HECW2: variants seen among roughly 807,000 people sequenced by gnomAD.
HECW2 encodes the protein E3 ubiquitin-protein ligase HECW2.
A neutral mutation model predicts 175.2 loss-of-function variants in HECW2; 61 were observed. The observed-to-expected ratio is 0.35, with a 90% confidence interval of 0.28 to 0.43. The LOEUF is 0.43. HECW2 is among the 20% of genes least tolerant of loss of function. HECW2 has a pLI of 1.00. For synonymous variants in HECW2, 671 were observed against 731.0 expected (o/e 0.92, Z 1.32); for missense variants, 1,524 against 2,000.5 (o/e 0.76, Z 4.54).
chr2:196,275,062 G>C (rs935139251), intron 15 of HECW2, among the ~76,000 whole-genome samples: 2 of 152,116 alleles, frequency 1.3e-5, no homozygotes, highest in Non-Finnish European at 2.9e-5. Flanking sequence ...TATTTGCTGA[G>C]GATTTTTCTA....
intron 2 of HECW2, among the ~76,000 whole-genome samples, chr2:196,359,242 G>A (rs915228381): frequency 1.3e-5 from 2 of 152,176 alleles, no homozygotes; most frequent in African/African-American, 4.8e-5. Context: ...GAGGTCAGGA[G>A]ATCGATACCA....
chr2:196,257,461 T>C (rs1689104785), intron 18 of HECW2, among the ~76,000 whole-genome samples: 1 of 152,272 alleles, frequency 6.6e-6, no homozygotes. Flanking sequence ...AGAAAAACAT[T>C]TGAAAGAATA....
chr2:196,501,689 TA>T (rs1204086586), intron 1 of HECW2, among the ~76,000 whole-genome samples: 1 of 152,224 alleles, frequency 6.6e-6, no homozygotes, highest in Non-Finnish European at 1.5e-5. Context: ...ATTTAAAATG[TA>T]AAAGACTCTC....
intron 3 of HECW2, among the ~76,000 whole-genome samples, chr2:196,340,193 T>C (rs371616213): frequency 2.6e-5 from 4 of 152,202 alleles, no homozygotes; most frequent in East Asian, 1.9e-4. Flanking sequence ...AGAAACTGTC[T>C]AATCTCTTCA....
intron 1 of HECW2, among the ~76,000 whole-genome samples, chr2:196,477,455 A>G (rs190381068): frequency 3.3e-5 from 5 of 152,362 alleles, no homozygotes; most frequent in Admixed American, 6.5e-5. Flanking sequence ...TCAGCTTTCA[A>G]GTGTTTCAGA....
At chr2:196,287,177 T>A (rs1690423443) in intron 14 of HECW2, among the ~76,000 whole-genome samples, 1 of 152,196 alleles carries the variant, frequency 6.6e-6, no homozygotes, top group Admixed American at 6.6e-5. Flanking sequence ...ACCATTCTGA[T>A]ACTTAAACTC....
chr2:196,571,596 C>A (rs1158341965), intron 1 of HECW2, among the ~76,000 whole-genome samples: 7 of 151,976 alleles, frequency 4.6e-5, no homozygotes, highest in Admixed American at 3.9e-4. Context: ...GTAATCCCAC[C>A]TACTCAGGAG....
intron 1 of HECW2, among the ~76,000 whole-genome samples, chr2:196,450,604 G>GCCTCAGCCTC (rs1340703658): frequency 6.7e-5 from 10 of 150,054 alleles, no homozygotes; most frequent in Admixed American, 1.3e-4. Context: ...AGATTCTCCT[G>GCCTCAGCCTC]CCAAGTAGCT....
chr2:196,359,500 C>A (rs930723870), intron 2 of HECW2, among the ~76,000 whole-genome samples: 18 of 152,134 alleles, frequency 1.2e-4, no homozygotes, highest in Non-Finnish European at 2.1e-4. Flanking sequence ...ATTAAGCCTG[C>A]TCTCAAAGAT....
chr2:196,406,342 C>A (rs1049962002), intron 2 of HECW2, among the ~76,000 whole-genome samples: 3 of 152,222 alleles, frequency 2.0e-5, no homozygotes, highest in Admixed American at 6.5e-5. Context: ...CCTGATACTT[C>A]TGTTTCCCAC....
intron 10 of HECW2, among the ~76,000 whole-genome samples, chr2:196,313,895 A>G (rs977489954): frequency 6.6e-6 from 1 of 152,156 alleles, no homozygotes; most frequent in African/African-American, 2.4e-5. Flanking sequence ...TCTACAAAAA[A>G]TAAAAACACA....
intron 1 of HECW2, among the ~76,000 whole-genome samples, chr2:196,461,155 AG>A (rs1273541400): frequency 6.6e-6 from 1 of 152,172 alleles, no homozygotes; most frequent in African/African-American, 2.4e-5. Flanking sequence ...ACAGCCTGAT[AG>A]GAAGGAAGAA....
chr2:196,266,183 A>AC (rs1689508061), intron 17 of HECW2, among the ~76,000 whole-genome samples: 1 of 149,218 alleles, frequency 6.7e-6, no homozygotes, highest in African/African-American at 2.5e-5. Flanking sequence ...AAAAAAAAAA[A>AC]AAAACACAAA....
At chr2:196,329,729 C>G in intron 4 of HECW2, 79 bp from the exon 5 acceptor site, 1 of 1,134,434 alleles carries the variant, frequency 8.8e-7, no homozygotes, top group Non-Finnish European at 1.3e-6. Context: ...ATGTATGTTC[C>G]TAAATGCAAT....
At chr2:196,362,604 CT>C (rs925993905) in intron 2 of HECW2, among the ~76,000 whole-genome samples, 2 of 152,102 alleles carry the variant, frequency 1.3e-5, no homozygotes, top group Admixed American at 1.3e-4. Flanking sequence ...AGGACTAAAG[CT>C]TTTTCAAACG....
chr2:196,504,648 A>T (rs1343244330), intron 1 of HECW2, among the ~76,000 whole-genome samples: 1 of 152,202 alleles, frequency 6.6e-6, no homozygotes, highest in African/African-American at 2.4e-5. Context: ...CTCTCATAAG[A>T]ATTCAAGACC....
At chr2:196,375,178 A>C (rs1185883373) in intron 2 of HECW2, among the ~76,000 whole-genome samples, 2 of 152,216 alleles carry the variant, frequency 1.3e-5, no homozygotes, top group East Asian at 3.9e-4. Context: ...AAAGAAAGAA[A>C]AAAAAGAAAA....
intron 1 of HECW2, among the ~76,000 whole-genome samples, chr2:196,473,226 T>A (rs1236112817): frequency 1.3e-5 from 2 of 152,230 alleles, no homozygotes; most frequent in African/African-American, 4.8e-5. Context: ...TGTTTTGTTT[T>A]CTAAATCAGT....
Position 196,528,927 on chromosome 2 carries a change from T to G in HECW2, c.-36+64581A>C, listed in dbSNP as rs557742915. On this transcript the variant is annotated intron_variant, in intron 1 of 28. Transcript: ENST00000644978. The stretch of plus-strand genomic sequence containing the variant: ...GTGAAATGCTCCAAAAACCGTTAAA[T>G]GAGACTTCCTTTATCTGTGCAGGGA... Among the ~76,000 whole-genome samples the G allele has an allele frequency of 9.2e-5, 14 of 152,360 alleles. 1 individual carries two copies. The South Asian group carries it at 2.9e-3, about 32-fold the overall frequency.
Sources: allele counts gnomAD v4.1 joint callset (sites outside exome capture counted in the v4.1 genomes callset), GRCh38; gene constraint gnomAD v4.1.1; transcripts MANE v1.5; gene names NCBI Gene and HGNC (gene_info 2026-07-23, HGNC 2026-07-21).